ADGRV1: variants seen among roughly 807,000 people sequenced by gnomAD.
ADGRV1 encodes adhesion G protein-coupled receptor V1, also known as G-protein coupled receptor 98.
ADGRV1 carries 359 observed loss-of-function variants against 596.2 expected under a neutral mutation model. The ratio of observed to expected loss-of-function variants is 0.60; its 90% CI spans 0.55 to 0.66. The LOEUF (loss-of-function observed/expected upper bound fraction) is 0.66. Ranked by LOEUF, ADGRV1 falls within the 30% of genes least tolerant of loss-of-function variation. The pLI, the probability that ADGRV1 is intolerant of heterozygous loss-of-function variation, is 0.00. For synonymous variants in ADGRV1, 2,681 were observed against 2,679.2 expected (o/e 1.00, Z -0.02); for missense variants, 7,274 against 7,575.6 (o/e 0.96, Z 1.48).
At chr5:90,620,245 C>A (rs1435312046) in intron 4 of ADGRV1, among the ~76,000 whole-genome samples, 11 of 152,058 alleles carry the variant, frequency 7.2e-5, no homozygotes, top group Non-Finnish European at 1.5e-4. Context: ...TATTTCTCCA[C>A]ATCCTCTCCA....
chr5:90,657,030 C>T (rs900557157), intron 20 of ADGRV1, among the ~76,000 whole-genome samples: 7 of 152,022 alleles, frequency 4.6e-5, no homozygotes, highest in African/African-American at 1.7e-4. Flanking sequence ...AGAAATACTT[C>T]TTATGAATTC....
rs41304890 is a variant in ADGRV1, at chr5:90,642,606, G to A, written c.2241-30G>A. On this transcript the variant is annotated intron_variant, in intron 11 of 89. Transcript: ENST00000405460. ...ATTCAGAAGTAAAACTGGAAGTAGC[G>A]GGTGCCATTTGTCTCTCTGACTTCT... The A allele has an allele frequency of 3.6e-3, 5,703 of 1,603,480 alleles. 73 individuals are homozygous for A. The highest frequency in any genetic ancestry group is 0.032 in the Middle Eastern group (191 of 5,996).
chr5:90,700,456 G>C (rs1368173168), intron 34 of ADGRV1, among the ~76,000 whole-genome samples: 2 of 152,064 alleles, frequency 1.3e-5, no homozygotes, highest in Non-Finnish European at 2.9e-5. Context: ...GCTGCCCAGT[G>C]GTAAATATTA....
chr5:90,974,504 A>G (rs1462653455), intron 84 of ADGRV1, among the ~76,000 whole-genome samples: 3 of 152,204 alleles, frequency 2.0e-5, no homozygotes, highest in East Asian at 1.9e-4. Context: ...AAACAGAGAT[A>G]TAGACCAATG....
At chr5:91,133,197 C>CAACT (rs1042562074) in intron 87 of ADGRV1, among the ~76,000 whole-genome samples, 5 of 152,144 alleles carry the variant, frequency 3.3e-5, no homozygotes, top group African/African-American at 1.2e-4. Context: ...ATTGTGTTTT[C>CAACT]AACTAACATA....
At chr5:90,768,557 AG>A (rs1757377164) in intron 59 of ADGRV1, among the ~76,000 whole-genome samples, 1 of 152,200 alleles carries the variant, frequency 6.6e-6, no homozygotes, top group South Asian at 2.1e-4. Flanking sequence ...ACTGTATAAT[AG>A]TTTCCTGGAC....
chr5:91,130,393 G>C (rs192834553), intron 87 of ADGRV1, among the ~76,000 whole-genome samples: 1 of 151,554 alleles, frequency 6.6e-6, no homozygotes. Context: ...TTAGCCGGGC[G>C]TGGTGGTGGG....
chr5:90,639,945 A>T (rs573956785), intron 11 of ADGRV1, among the ~76,000 whole-genome samples: 1 of 152,326 alleles, frequency 6.6e-6, no homozygotes, highest in South Asian at 2.1e-4. Flanking sequence ...TCTCAATGTC[A>T]AATCCAAGTT....
Position 90,853,208 on chromosome 5 carries a change from C to T in ADGRV1, c.17205-76C>T, listed in dbSNP as rs1389091584. On this transcript the variant is annotated intron_variant, in intron 79 of 89. Coordinates refer to ENST00000405460, the MANE Select transcript of ADGRV1 (RefSeq NM_032119.4). ...TGAAGAATAGAATCCAAGTGTAATG[C>T]ACTTTAACAAATATAAGTGGATATA... 2.2e-5 allele frequency: 30 copies of T among 1,360,016 alleles called. No individual in the cohort carries two copies. In the East Asian group the frequency reaches 2.5e-4, roughly 12 times the overall value. 84.2% of individuals were successfully genotyped at this position (1,360,016 alleles called of 1,614,324 possible).
chr5:90,683,429 A>G (rs1745199063), intron 27 of ADGRV1, among the ~76,000 whole-genome samples, 157 bp from the exon 28 acceptor site: 1 of 152,214 alleles, frequency 6.6e-6, no homozygotes, highest in African/African-American at 2.4e-5. Flanking sequence ...GCCTTCAAAG[A>G]TGGATAGTAT....
At chr5:90,662,904 T>C (rs1770614876) in intron 21 of ADGRV1, among the ~76,000 whole-genome samples, 1 of 151,820 alleles carries the variant, frequency 6.6e-6, no homozygotes, top group African/African-American at 2.4e-5. Flanking sequence ...GAATGATGAT[T>C]TCCAGTTTCA....
At chr5:90,823,154 T>C (rs1287998325) in intron 75 of ADGRV1, among the ~76,000 whole-genome samples, 1 of 152,226 alleles carries the variant, frequency 6.6e-6, no homozygotes, top group East Asian at 1.9e-4. Context: ...GTTTTTACAT[T>C]CCTTATACAG....
In ADGRV1 at chr5:90,855,786, A is replaced by T; in HGVS notation, c.17640A>T (p.Ala5880=). The stretch of plus-strand genomic sequence containing the variant: ...TTTGCAAAGTGGTTGAGGAAACTGC[A>T]GACTATGTGGAATGTGCCTGTTCAC... ...SQFCKVVEET[A]DYVECACSHM... is the part of the protein sequence containing the mutation. Residue 5880 remains alanine (A), a synonymous_variant, in exon 82 of 90, where the codon GCA becomes GCT. Transcript: ENST00000405460. The T allele has an allele frequency of 6.2e-7, 1 of 1,601,646 alleles. No homozygotes were observed. Among genetic ancestry groups the T allele is most frequent in the Non-Finnish European group, 8.5e-7 (1 of 1,174,304 alleles).
At chr5:90,727,780 C>T (rs1164520515) in intron 48 of ADGRV1, among the ~76,000 whole-genome samples, 3 of 152,156 alleles carry the variant, frequency 2.0e-5, no homozygotes, top group Admixed American at 2.0e-4. Context: ...GATCTTACCT[C>T]TCCAGCCTTA....
intron 87 of ADGRV1, among the ~76,000 whole-genome samples, chr5:91,110,157 T>C (rs968764225): frequency 2.7e-4 from 41 of 152,206 alleles, no homozygotes; most frequent in African/African-American, 9.9e-4. Context: ...AGTTTGTCAT[T>C]TCTAAGGGGA....
intron 83 of ADGRV1, among the ~76,000 whole-genome samples, chr5:90,959,938 G>A (rs1430461093): frequency 6.6e-6 from 1 of 152,096 alleles, no homozygotes; most frequent in Admixed American, 6.5e-5. Context: ...AGGAGATCAA[G>A]ACCATCCTGG....
At chr5:90,773,551 C>G (rs1461184826) in intron 59 of ADGRV1, among the ~76,000 whole-genome samples, 1 of 152,018 alleles carries the variant, frequency 6.6e-6, no homozygotes, top group African/African-American at 2.4e-5. Flanking sequence ...ACAAGTGGAA[C>G]TGATATGAGT....
chr5:90,867,307 A>G (rs1382921449), intron 83 of ADGRV1, among the ~76,000 whole-genome samples: 1 of 152,210 alleles, frequency 6.6e-6, no homozygotes, highest in Non-Finnish European at 1.5e-5. Flanking sequence ...TTTGTACAGC[A>G]TAAACACATT....
intron 83 of ADGRV1, among the ~76,000 whole-genome samples, chr5:90,884,964 G>A (rs1252954934): frequency 6.6e-6 from 1 of 152,074 alleles, no homozygotes; most frequent in East Asian, 1.9e-4. Flanking sequence ...TTTAGTACAG[G>A]GGCACTGAGG....
Sources: gnomAD v4.1 joint callset for allele counts (sites outside exome capture counted in the v4.1 genomes callset) on GRCh38, gnomAD v4.1.1 for gene constraint, MANE v1.5 for transcripts, NCBI Gene and HGNC (gene_info 2026-07-23, HGNC 2026-07-21) for gene names.